Variants in ATP6V1C2 observed in about 807,000 individuals in gnomAD.
ATP6V1C2 encodes the protein V-type proton ATPase subunit C 2.
ATP6V1C2 carries 45 observed loss-of-function variants against 56.8 expected under a neutral mutation model. The ratio of observed to expected loss-of-function variants is 0.79; its 90% confidence interval spans 0.62 to 1.02. The LOEUF (loss-of-function observed/expected upper bound fraction) is 1.02, where lower values mean the gene tolerates loss of function less well. ATP6V1C2 is among the 50% of genes least tolerant of loss of function. The pLI is 0.00. For synonymous variants in ATP6V1C2, 220 were observed against 201.3 expected (o/e 1.09, Z -0.79); for missense variants, 463 against 519.7 (o/e 0.89, Z 1.06).
chr2:10,779,080 CCAA>C (rs1251008965), intron 12 of ATP6V1C2, among the ~76,000 whole-genome samples: 7 of 151,950 alleles, frequency 4.6e-5, no homozygotes, highest in African/African-American at 1.2e-4. Context: ...CAAAACCACA[CCAA>C]CAACAACAAA....
rs1258275551 is a variant in ATP6V1C2, at chr2:10,763,466, TC to T, written c.284-861del. Among the ~76,000 whole-genome samples, 2 of 152,152 alleles carry T rather than the reference TC, an allele frequency of 1.3e-5. No individual in the cohort carries two copies. The highest frequency in any genetic ancestry group is 6.5e-5 in the Admixed American group (1 of 15,278). On this transcript the variant is annotated intron_variant, in intron 4 of 13. Transcript: ENST00000272238. The surrounding 1 kb of genome is among the most constrained non-coding windows in gnomAD (Gnocchi z 4.2). ...GGCAGGGGGTGGTGTCTAGTGTGTG[TC>T]CCCAGCAGGGTGATGGGTGTGGAGT...
At chr2:10,729,861 A>T (rs1351451742) in intron 3 of ATP6V1C2, among the ~76,000 whole-genome samples, 1 of 152,184 alleles carries the variant, frequency 6.6e-6, no homozygotes, top group Non-Finnish European at 1.5e-5. Context: ...GCTGTGGGGT[A>T]GATGAGGGCA....
Position 10,733,159 on chromosome 2 carries a change from CA to C in ATP6V1C2, c.197+6591del, listed in dbSNP as rs368958284. ...TATATATTCTTAAGAGCCTTCCTAT[CA>C]GGGGGAAGGAAAATGGTGTGGTCTG... On this transcript the variant is annotated intron_variant, in intron 3 of 13. Coordinates refer to ENST00000272238, the MANE Select transcript of ATP6V1C2 (RefSeq NM_001039362.2). Among the ~76,000 whole-genome samples the C allele has an allele frequency of 4.2e-3, 633 of 152,196 alleles. 4 individuals are homozygous for C. Among genetic ancestry groups the C allele is most frequent in the African/African-American group, 0.014 (589 of 41,516 alleles).
intron 3 of ATP6V1C2, among the ~76,000 whole-genome samples, chr2:10,728,250 T>C (rs905535386): frequency 6.6e-6 from 1 of 151,998 alleles, no homozygotes; most frequent in Non-Finnish European, 1.5e-5. Flanking sequence ...CCCAGCTAAT[T>C]TTTGTATTTT....
At chr2:10,762,044 A>G (rs10427170) in intron 4 of ATP6V1C2, among the ~76,000 whole-genome samples, 71,775 of 152,138 alleles carry the variant, frequency 0.47, 18,299 homozygotes, top group African/African-American at 0.67. Flanking sequence ...TTCACGCCTT[A>G]TCTCACTTTA....
intron 8 of ATP6V1C2, 47 bp downstream of exon 8, chr2:10,772,657 T>A (rs1330316798): frequency 4.5e-6 from 7 of 1,551,692 alleles, no homozygotes; most frequent in Non-Finnish European, 6.2e-6. Flanking sequence ...GGTACATGTG[T>A]GGGTGCTTCA....
chr2:10,782,862 A>T (rs1665466216), intron 13 of ATP6V1C2, among the ~76,000 whole-genome samples: 1 of 131,096 alleles, frequency 7.6e-6, no homozygotes. Context: ...AAAAAAAAAA[A>T]ATTTGCCAGG....
At position 10,752,739 on chromosome 2, in the gene ATP6V1C2, T is replaced by C. The variant is rs573494645; in HGVS notation, c.198-1242T>C. Among the ~76,000 whole-genome samples, 224 of 152,294 alleles carry C rather than the reference T, an allele frequency of 1.5e-3. 1 individual carries two copies. The highest frequency in any genetic ancestry group is 5.2e-3 in the African/African-American group (217 of 41,568). On this transcript the variant is annotated intron_variant, in intron 3 of 13. Transcript: ENST00000272238. ...GGCAGGGTGCGATGGCTCACACCTGTAATCCCAGCACTTTGGGAGGCCAAG... is the reference window on the plus strand; with the variant it reads ...GGCAGGGTGCGATGGCTCACACCTGCAATCCCAGCACTTTGGGAGGCCAAG...
At chr2:10,747,834 A>G (rs1216543633) in intron 3 of ATP6V1C2, among the ~76,000 whole-genome samples, 2 of 152,086 alleles carry the variant, frequency 1.3e-5, no homozygotes, top group East Asian at 3.8e-4. Context: ...TGGAACACTT[A>G]TACAGACTTT....
At chr2:10,747,636 G>A (rs1289372668) in intron 3 of ATP6V1C2, among the ~76,000 whole-genome samples, 4 of 151,724 alleles carry the variant, frequency 2.6e-5, no homozygotes, top group Non-Finnish European at 5.9e-5. Context: ...GAGGTGGGAG[G>A]ATCACTTAAG....
chr2:10,722,944 C>T lies in ATP6V1C2; in HGVS notation c.95C>T (p.Ser32Phe). 2 of 1,614,060 alleles carry T rather than the reference C, an allele frequency of 1.2e-6. No homozygotes were observed. Among genetic ancestry groups the T allele is most frequent in the Non-Finnish European group, 1.7e-6 (2 of 1,180,012 alleles). The change falls in exon 2 of 14, where the codon TCT becomes TTT. Residue 32 changes from serine (S) to phenylalanine (F), a missense_variant. By Grantham distance (155) the Ser-to-Phe change is radical. Coordinates refer to ENST00000272238, the MANE Select transcript of ATP6V1C2 (RefSeq NM_001039362.2). ...MNTVTSKSNL[S>F]YNTKFAIPDF... ...ACTGTAACCTCCAAGTCCAACCTGTCTTATAATACCAAATTCGCTATTCCT... is the reference window on the plus strand; with the variant it reads ...ACTGTAACCTCCAAGTCCAACCTGTTTTATAATACCAAATTCGCTATTCCT...
At chr2:10,728,522 G>A (rs1340798845) in intron 3 of ATP6V1C2, among the ~76,000 whole-genome samples, 1 of 152,060 alleles carries the variant, frequency 6.6e-6, no homozygotes, top group Non-Finnish European at 1.5e-5. Flanking sequence ...GTGAATAGAT[G>A]TACCCTCATT....
chr2:10,784,925 G>A lies in ATP6V1C2; in HGVS notation c.*1662G>A. On this transcript the variant is annotated 3_prime_UTR_variant, in exon 14 of 14. Transcript: ENST00000272238. ...TGCTGCCCGCACAGCTTCCCTCCCG[G>A]GCACTCACCTCGCCATCCCTGCCGT... 6.4e-7 allele frequency: 1 copy of A among 1,562,800 alleles called. No individual in the cohort carries two copies. The highest frequency in any genetic ancestry group is 8.7e-7 in the Non-Finnish European group (1 of 1,148,078).
Position 10,782,307 on chromosome 2 carries a change from C to A in ATP6V1C2, c.1126C>A (p.Arg376Ser). The change falls in exon 13 of 14, where the codon CGT (arginine) becomes AGT (serine). Residue 376 changes from arginine (R) to serine (S), a missense_variant. By Grantham distance (110) the Arg-to-Ser change is moderately radical. Transcript: ENST00000272238. ...LQPHKKSSTK[R>S]LREVLNSVFR... ...GCCGCATAAGAAGTCATCCACCAAG[C>A]GTTTAAGAGAGGTTCTAAACTCTGT... 1 of 1,614,156 alleles carries A rather than the reference C, an allele frequency of 6.2e-7. No homozygotes were observed. The highest frequency in any genetic ancestry group is 1.7e-5 in the Admixed American group (1 of 60,018).
rs1665598922 is a variant in ATP6V1C2, at chr2:10,784,411, C to A, written c.*1148C>A. 11 of 1,009,296 alleles carry A rather than the reference C, an allele frequency of 1.1e-5. No individual in the cohort carries two copies. In the South Asian group the frequency reaches 1.5e-4, roughly 14 times the overall value. 62.5% of individuals were successfully genotyped at this position (1,009,296 alleles called of 1,614,324 possible). ...CATCTCATTTTATGGAAGAGCGACT[C>A]TCTGGAGCTACTCCTGCTACAATCC... On this transcript the variant is annotated 3_prime_UTR_variant, in exon 14 of 14. Transcript: ENST00000272238.
At chr2:10,755,863 G>A (rs1663524275) in intron 4 of ATP6V1C2, among the ~76,000 whole-genome samples, 1 of 152,234 alleles carries the variant, frequency 6.6e-6, no homozygotes, top group Non-Finnish European at 1.5e-5. Flanking sequence ...GGGAATGTCT[G>A]CCTCGTTCGT....
intron 3 of ATP6V1C2, among the ~76,000 whole-genome samples, chr2:10,746,490 G>T (rs1662924201): frequency 6.7e-6 from 1 of 149,776 alleles, no homozygotes; most frequent in South Asian, 2.1e-4. Flanking sequence ...TCAGTCCACT[G>T]CAACCTCCAC....
intron 10 of ATP6V1C2, among the ~76,000 whole-genome samples, chr2:10,776,416 G>A (rs576538020): frequency 1.3e-5 from 2 of 152,252 alleles, no homozygotes; most frequent in African/African-American, 4.8e-5. Context: ...ACGAGGAGCC[G>A]AGCTGGAGCT....
At chr2:10,726,204 G>C (rs1376340464) in intron 2 of ATP6V1C2, among the ~76,000 whole-genome samples, 1 of 152,204 alleles carries the variant, frequency 6.6e-6, no homozygotes, top group African/African-American at 2.4e-5. Context: ...TTAACAACAT[G>C]ACTGACTAGC....
Sources: allele counts gnomAD v4.1 joint callset (sites outside exome capture counted in the v4.1 genomes callset), GRCh38; gene constraint gnomAD v4.1.1; non-coding constraint Gnocchi (gnomAD v3.1); transcripts MANE v1.5; gene names NCBI Gene and HGNC (gene_info 2026-07-23, HGNC 2026-07-21).